The following TSHR variants were observed in gnomAD, a reference collection of about 807,000 sequenced individuals.
The protein encoded by TSHR is thyroid stimulating hormone receptor, also known as thyrotropin receptor.
TSHR carries 51 observed loss-of-function variants against 64.1 expected under a neutral mutation model. That is an observed-to-expected ratio of 0.80 (90% CI 0.64 to 1.01). The LOEUF (loss-of-function observed/expected upper bound fraction) is 1.01. Among genes scored for constraint, TSHR ranks in the 50% least tolerant of loss-of-function variants. The pLI, the probability that TSHR is intolerant of heterozygous loss-of-function variation, is 0.00. For synonymous variants in TSHR, 361 were observed against 361.9 expected, an observed-to-expected ratio of 1.00 and a Z score of 0.03; for missense variants, 877 against 942.8, an observed-to-expected ratio of 0.93 and a Z score of 0.91.
rs994042502 is a variant in TSHR at position 81,089,208 on chromosome 14, G to A, written c.392+1180G>A. 2.8e-4 allele frequency among the ~76,000 whole-genome samples: 43 copies of A among 151,928 alleles called. 1 individual carries two copies. Among genetic ancestry groups the A allele is most frequent in the Non-Finnish European group, 3.1e-4 (21 of 67,986 alleles). The stretch of plus-strand genomic sequence containing the variant: ...TCACCATGTTGGCCAGGCTGGTGTC[G>A]AACTCCTGACCTCAGGTGATCCACC... On this transcript the variant is annotated intron_variant, in intron 4 of 9. Transcript: ENST00000298171.
At position 81,036,815 on chromosome 14, in the gene TSHR, T is replaced by C. The variant is rs112235019; in HGVS notation, c.171-25333T>C. Among the ~76,000 whole-genome samples, 856 of 152,198 alleles carry C rather than the reference T, an allele frequency of 5.6e-3. 10 individuals are homozygous for C. The highest frequency in any genetic ancestry group is 0.031 in the Middle Eastern group (9 of 292). On this transcript the variant is annotated intron_variant, in intron 1 of 9. Transcript: ENST00000298171. ...AAGTTGTTAAAATACGTACAGGATATGAAAGGATACAAAGTAAGCAACAAA... is the reference window on the plus strand; with the variant it reads ...AAGTTGTTAAAATACGTACAGGATACGAAAGGATACAAAGTAAGCAACAAA...
intron 3 of TSHR, among the ~76,000 whole-genome samples, chr14:81,077,206 T>C (rs1295357161): frequency 6.6e-6 from 1 of 152,240 alleles, no homozygotes; most frequent in African/African-American, 2.4e-5. Context: ...ACAATGCAGA[T>C]GTTTGATAAT....
At position 80,955,801 on chromosome 14, in the gene TSHR, T is replaced by C. The variant is rs1410738370; in HGVS notation, c.121T>C (p.Cys41Arg). Residue 41 changes from cysteine (C) to arginine (R), a missense_variant, in exon 1 of 10, where the codon TGC becomes CGC. Coordinates refer to ENST00000298171, the MANE Select transcript of TSHR (RefSeq NM_000369.5). ...CHQEEDFRVT[C>R]KDIQRIPSLP... Reference sequence around the variant, plus strand: ...TCAGGAGGAGGACTTCAGAGTCACCTGCAAGGATATTCAACGCATCCCCAG... The same window carrying C: ...TCAGGAGGAGGACTTCAGAGTCACCCGCAAGGATATTCAACGCATCCCCAG... 1.2e-6 allele frequency: 2 copies of C among 1,614,214 alleles called. No homozygotes were observed. The highest frequency in any genetic ancestry group is 2.2e-5 in the East Asian group (1 of 44,874).
At chr14:80,976,007 G>T (rs1230375898) in intron 1 of TSHR, among the ~76,000 whole-genome samples, 1 of 151,928 alleles carries the variant, frequency 6.6e-6, no homozygotes, top group Non-Finnish European at 1.5e-5. Flanking sequence ...CGCCTCCCGG[G>T]TTCACACCAT....
chr14:80,989,266 T>A (rs1425820693), intron 1 of TSHR, among the ~76,000 whole-genome samples: 2 of 152,214 alleles, frequency 1.3e-5, no homozygotes, highest in Admixed American at 6.5e-5. Flanking sequence ...TGCCCACTGC[T>A]CATAAGCCCC....
chr14:81,015,064 A>G (rs1460449443), intron 1 of TSHR, among the ~76,000 whole-genome samples: 2 of 152,192 alleles, frequency 1.3e-5, no homozygotes, highest in East Asian at 3.8e-4. Context: ...TCTGAGTATT[A>G]GGATCATGAT....
intron 8 of TSHR, among the ~76,000 whole-genome samples, chr14:81,126,460 C>T (rs975815544): frequency 6.6e-6 from 1 of 152,128 alleles, no homozygotes; most frequent in Non-Finnish European, 1.5e-5. Flanking sequence ...CTATCTATGC[C>T]AGGCCAAAAA....
intron 1 of TSHR, among the ~76,000 whole-genome samples, chr14:81,056,427 A>T (rs1457460346): frequency 6.6e-6 from 1 of 152,198 alleles, no homozygotes; most frequent in Non-Finnish European, 1.5e-5. Context: ...ATGCATACAT[A>T]TATGTAAAGT....
At chr14:80,990,622 C>A (rs1328550136) in intron 1 of TSHR, among the ~76,000 whole-genome samples, 2 of 152,122 alleles carry the variant, frequency 1.3e-5, no homozygotes, top group South Asian at 2.1e-4. Flanking sequence ...AAACACAAAA[C>A]TGGTGATGGC....
rs534502652 is a variant in TSHR at position 81,123,263 on chromosome 14, C to T, written c.692+14811C>T. Among the ~76,000 whole-genome samples the T allele has an allele frequency of 5.8e-4, 89 of 152,316 alleles. 1 individual carries two copies. In the Middle Eastern group the frequency reaches 0.01, roughly 17 times the overall value. ...GAACAAAGAAGAGTCCAGTCTCATTCCTGAACTTCCAAGCATAGTTGTTGT... is the reference window on the plus strand; with the variant it reads ...GAACAAAGAAGAGTCCAGTCTCATTTCTGAACTTCCAAGCATAGTTGTTGT... On this transcript the variant is annotated intron_variant, in intron 8 of 9. Transcript: ENST00000298171.
chr14:81,095,976 G>T (rs191145139), intron 6 of TSHR, among the ~76,000 whole-genome samples: 1 of 151,060 alleles, frequency 6.6e-6, no homozygotes, highest in East Asian at 1.9e-4. Context: ...GGGACTCAAG[G>T]CTGCAGTGAG....
intron 1 of TSHR, among the ~76,000 whole-genome samples, chr14:81,026,117 G>A (rs1275263997): frequency 6.6e-6 from 1 of 152,206 alleles, no homozygotes; most frequent in African/African-American, 2.4e-5. Context: ...CTGTTTGGAA[G>A]ACCAGATGAG....
At chr14:81,002,159 G>A (rs560749775) in intron 1 of TSHR, among the ~76,000 whole-genome samples, 1 of 152,224 alleles carries the variant, frequency 6.6e-6, no homozygotes, top group East Asian at 1.9e-4. Context: ...TCCTGCTTGA[G>A]TATAATCAAA....
At chr14:81,100,445 A>G (rs1050499669) in intron 7 of TSHR, among the ~76,000 whole-genome samples, 7 of 152,190 alleles carry the variant, frequency 4.6e-5, no homozygotes, top group African/African-American at 1.4e-4. Context: ...CCCCCACACA[A>G]CAAGTAATCA....
intron 1 of TSHR, among the ~76,000 whole-genome samples, chr14:81,056,409 GTACATATATGCA>G (rs1423301364): frequency 2.0e-5 from 3 of 152,046 alleles, no homozygotes; most frequent in Admixed American, 6.6e-5. Context: ...GGGTTTATGT[GTACATATATGCA>G]TACATATATG....
chr14:81,096,593 C>T (rs1566811391), intron 6 of TSHR, 46 bp from the exon 7 acceptor site: 1 of 1,589,630 alleles, frequency 6.3e-7, no homozygotes, highest in Non-Finnish European at 8.6e-7. Flanking sequence ...CAGGCCAGCA[C>T]CACTTCTCAC....
At chr14:80,975,470 A>C (rs1887819677) in intron 1 of TSHR, among the ~76,000 whole-genome samples, 1 of 152,064 alleles carries the variant, frequency 6.6e-6, no homozygotes, top group African/African-American at 2.4e-5. Context: ...CTCTAAAAAA[A>C]TTTCACTCCA....
At chr14:81,032,484 G>C in intron 1 of TSHR, 1 of 347,352 alleles carries the variant, frequency 2.9e-6, no homozygotes, top group Non-Finnish European at 5.7e-6. Context: ...CAACAAGGGA[G>C]TTGTCAGAGT....
At chr14:81,096,849 A>G in intron 7 of TSHR, 142 bp downstream of exon 7, 3 of 968,240 alleles carry the variant, frequency 3.1e-6, no homozygotes, top group Non-Finnish European at 4.8e-6. Flanking sequence ...AATGAGGTCA[A>G]GGAACTTGGC....
Sources: gnomAD v4.1 joint callset for allele counts (sites outside exome capture counted in the v4.1 genomes callset) on GRCh38, gnomAD v4.1.1 for gene constraint, MANE v1.5 for transcripts, NCBI Gene and HGNC (gene_info 2026-07-23, HGNC 2026-07-21) for gene names.